SLC22A2: variants seen among roughly 807,000 people sequenced by gnomAD.
SLC22A2 encodes solute carrier family 22 member 2.
Under a neutral mutation model 60.5 loss-of-function variants are expected in SLC22A2, and 46 were observed. The ratio of observed to expected loss-of-function variants is 0.76; its 90% CI spans 0.60 to 0.97. The LOEUF (loss-of-function observed/expected upper bound fraction) is 0.97, where lower values mean the gene tolerates loss of function less well. Among genes scored for constraint, SLC22A2 ranks in the 50% least tolerant of loss-of-function variants. The pLI is 0.00. For missense variants in SLC22A2, 701 were observed against 706.6 expected (o/e 0.99, Z 0.09); for synonymous variants, 303 against 267.0 (o/e 1.13, Z -1.31).
chr6:160,221,432 G>C (rs1782642857), intron 10 of SLC22A2, among the ~76,000 whole-genome samples: 2 of 152,276 alleles, frequency 1.3e-5, no homozygotes, highest in Non-Finnish European at 2.9e-5. Context: ...CAGCAATAAG[G>C]CTGTTTCATT....
chr6:160,258,528 C>A lies in SLC22A2; in HGVS notation c.230G>T (p.Gly77Val), dbSNP rs375277138. 2.5e-5 allele frequency: 41 copies of A among 1,613,970 alleles called. No individual in the cohort carries two copies. Among genetic ancestry groups the A allele is most frequent in the Non-Finnish European group, 3.4e-5 (40 of 1,180,000 alleles). Residue 77 changes from glycine (G) to valine (V), a missense_variant, in exon 1 of 11, where the codon GGC becomes GTC. Gly to Val is a moderately radical substitution (Grantham distance 109, BLOSUM62 -3). Transcript: ENST00000366953. ...GGAGGCTTCGCCCGCAGGTCCTGGG[C>A]CCGGCACCGTGTAGTTCAGTTCCTC... The part of the protein sequence containing the change: ...PAEELNYTVP[G>V]PGPAGEASPR...
At chr6:160,223,214 G>A (rs1417908777) in intron 10 of SLC22A2, among the ~76,000 whole-genome samples, 1 of 152,196 alleles carries the variant, frequency 6.6e-6, no homozygotes, top group Non-Finnish European at 1.5e-5. Flanking sequence ...TGTCAGATAG[G>A]TTTGTCTTTA....
At chr6:160,233,418 T>C (rs1375176034) in intron 9 of SLC22A2, among the ~76,000 whole-genome samples, 1 of 151,690 alleles carries the variant, frequency 6.6e-6, no homozygotes, top group East Asian at 1.9e-4. Context: ...TCATCCTCAA[T>C]CTTCAGGAAA....
intron 10 of SLC22A2, among the ~76,000 whole-genome samples, chr6:160,222,155 T>G (rs1291523014): frequency 6.6e-6 from 1 of 152,170 alleles, no homozygotes; most frequent in Non-Finnish European, 1.5e-5. Context: ...AGAAGTGAGA[T>G]AAGGTATTAG....
intron 9 of SLC22A2, among the ~76,000 whole-genome samples, chr6:160,231,849 C>T (rs1782830228): frequency 6.6e-6 from 1 of 151,926 alleles, no homozygotes; most frequent in Admixed American, 6.5e-5. Flanking sequence ...TAACTCTTCA[C>T]TCCCTTTTCA....
Position 160,216,757 on chromosome 6 carries a change from G to A in SLC22A2, c.*675C>T, listed in dbSNP as rs1420553645. On this transcript the variant is annotated 3_prime_UTR_variant, in exon 11 of 11. Coordinates refer to ENST00000366953, the MANE Select transcript of SLC22A2 (RefSeq NM_003058.4). ...CCAGACTAAAAAATGATCATCAATG[G>A]TTTTATAATGCTAACATTTTTTATT... The A allele has an allele frequency of 6.6e-6, 1 of 151,974 alleles. No homozygotes were observed. The highest frequency in any genetic ancestry group is 2.1e-4 in the South Asian group (1 of 4,828). 9.4% of individuals were successfully genotyped at this position (151,974 alleles called of 1,614,324 possible). A position where few individuals can be genotyped will look rare whatever the true frequency, so the allele number is the denominator to read the frequency against.
intron 2 of SLC22A2, among the ~76,000 whole-genome samples, chr6:160,255,039 C>G (rs891330528): frequency 2.6e-5 from 4 of 152,182 alleles, no homozygotes; most frequent in African/African-American, 9.7e-5. Context: ...GCCTGCAGGG[C>G]CAGAGCTGCC....
In SLC22A2 at chr6:160,232,025, A is replaced by G. The variant is rs149652045; in HGVS notation, c.1502-7221T>C. ...TGTGTTAATGCTTTTAGAGGCCCTC[A>G]AAATCCCAAACTATGCTCAGCTCAC... On this transcript the variant is annotated intron_variant, in intron 9 of 10. Coordinates refer to ENST00000366953, the MANE Select transcript of SLC22A2 (RefSeq NM_003058.4). Among the ~76,000 whole-genome samples the G allele has an allele frequency of 1.3e-4, 20 of 152,032 alleles. No homozygotes were observed. In the East Asian group the frequency reaches 3.5e-3, roughly 26 times the overall value.
intron 3 of SLC22A2, 56 bp from the exon 4 acceptor site, chr6:160,249,440 C>G: frequency 7.0e-7 from 1 of 1,421,568 alleles, no homozygotes; most frequent in Non-Finnish European, 9.8e-7. Flanking sequence ...AGTTGGCTGT[C>G]CAGCTATCAG....
At position 160,217,618 on chromosome 6, in the gene SLC22A2, G is replaced by A; in HGVS notation, c.1602-120C>T. ...TGATTATAAACTTTGTTCAGGATTA[G>A]TCTTGCAATGTGTTCTGAGTGGTGG... is the stretch of plus-strand genomic sequence containing the variant. On this transcript the variant is annotated intron_variant, in intron 10 of 10. Transcript: ENST00000366953. 3 of 631,776 alleles carry A rather than the reference G, an allele frequency of 4.7e-6. No homozygotes were observed. The South Asian group carries it at 5.9e-5, about 12-fold the overall frequency. 39.1% of individuals were successfully genotyped at this position (631,776 alleles called of 1,614,324 possible).
rs1263403455 is a variant in SLC22A2 at position 160,247,216 on chromosome 6, T to G, written c.925A>C (p.Lys309Gln). 1.2e-6 allele frequency: 2 copies of G among 1,613,038 alleles called. No homozygotes were observed. Among genetic ancestry groups the G allele is most frequent in the Non-Finnish European group, 1.7e-6 (2 of 1,178,998 alleles). ...AMRIIKHIAK[K>Q]NGKSLPASLQ... ...GAGGCGGGTAGAGATTTTCCATTTT[T>G]CTTTGCGATGTGCTTAATGATTCTC... is the stretch of plus-strand genomic sequence containing the variant. Residue 309 changes from lysine (K) to glutamine (Q), a missense_variant, in exon 5 of 11, where the codon AAA (lysine) becomes CAA (glutamine). By Grantham distance (53) the Lys-to-Gln change is moderately conservative (BLOSUM62 1). Transcript: ENST00000366953.
intron 9 of SLC22A2, among the ~76,000 whole-genome samples, chr6:160,237,031 T>C (rs1479294082): frequency 6.6e-6 from 1 of 152,122 alleles, no homozygotes; most frequent in African/African-American, 2.4e-5. Flanking sequence ...TTAGCAAAAA[T>C]GGGAAACTGG....
At chr6:160,255,884 GAAAC>G (rs1211926700) in intron 2 of SLC22A2, among the ~76,000 whole-genome samples, 9 of 152,168 alleles carry the variant, frequency 5.9e-5, no homozygotes, top group Admixed American at 5.9e-4. Flanking sequence ...CATGTTGTAG[GAAAC>G]TTGCAGCACA....
intron 9 of SLC22A2, among the ~76,000 whole-genome samples, chr6:160,225,273 C>T (rs539356772): frequency 1.4e-4 from 22 of 152,148 alleles, no homozygotes; most frequent in Admixed American, 2.6e-4. Context: ...AGTTAAAATT[C>T]AGGTGTTCAT....
At chr6:160,256,085 T>A (rs1783267353) in intron 2 of SLC22A2, among the ~76,000 whole-genome samples, 1 of 152,152 alleles carries the variant, frequency 6.6e-6, no homozygotes, top group African/African-American at 2.4e-5. Context: ...CCTGTTTCCC[T>A]TTCTTTAAGT....
chr6:160,240,697 A>C (rs1038628772), intron 9 of SLC22A2, among the ~76,000 whole-genome samples: 1 of 152,154 alleles, frequency 6.6e-6, no homozygotes, highest in African/African-American at 2.4e-5. Context: ...ACCCTCATGT[A>C]CATCTGAGAG....
intron 1 of SLC22A2, chr6:160,257,606 C>A (rs1019454774): frequency 3.9e-5 from 6 of 152,156 alleles, no homozygotes; most frequent in South Asian, 2.1e-4. Context: ...ACTCTACCTA[C>A]CCATCTGTTC....
chr6:160,242,449 A>C, intron 7 of SLC22A2, 47 bp from the exon 8 acceptor site: 4 of 1,053,734 alleles, frequency 3.8e-6, no homozygotes, highest in Non-Finnish European at 3.0e-6. Flanking sequence ...ATGATTCCTC[A>C]TCTTCAGACA....
intron 2 of SLC22A2, among the ~76,000 whole-genome samples, chr6:160,252,619 G>A (rs552089569): frequency 2.0e-5 from 3 of 152,154 alleles, no homozygotes; most frequent in Non-Finnish European, 4.4e-5. Context: ...TGCTGGCTTG[G>A]TAAGTCTTTT....
Sources: gnomAD v4.1 joint callset for allele counts (sites outside exome capture counted in the v4.1 genomes callset) on GRCh38, gnomAD v4.1.1 for gene constraint, MANE v1.5 for transcripts, NCBI Gene and HGNC (gene_info 2026-07-23, HGNC 2026-07-21) for gene names.